EHBP1: variants seen among roughly 807,000 people sequenced by gnomAD.
EHBP1 encodes EH domain binding protein 1, also known as EH domain-binding protein 1.
EHBP1 carries 55 observed loss-of-function variants against 144.0 expected under a neutral mutation model. The ratio of observed to expected loss-of-function variants is 0.38; its 90% confidence interval spans 0.31 to 0.48. The LOEUF is 0.48. Among genes scored for constraint, EHBP1 ranks in the 20% least tolerant of loss-of-function variants. EHBP1 has a pLI of 0.98. For missense variants in EHBP1, 1,200 were observed against 1,364.2 expected (o/e 0.88, Z 1.90); for synonymous variants, 469 against 472.7 (o/e 0.99, Z 0.10).
rs1207585889 is a variant in EHBP1 at position 62,864,764 on chromosome 2, C to G, written c.791C>G (p.Thr264Arg). 4 of 1,612,506 alleles carry G rather than the reference C, an allele frequency of 2.5e-6. No homozygotes were observed. In the African/African-American group the frequency reaches 5.3e-5, roughly 22 times the overall value. ...PITETASPRK[T>R]EDSFYNNSYN... ...ACTGAAACAGCTTCACCTAGAAAAA[C>G]AGAAGACTCTTTTTATAATAACAGC... Residue 264 changes from threonine (T) to arginine (R), a missense_variant, in exon 9 of 23, where the codon ACA becomes AGA. By Grantham distance (71) the Thr-to-Arg change is moderately conservative. Transcript: ENST00000431489.
intron 14 of EHBP1, among the ~76,000 whole-genome samples, chr2:62,969,297 T>C (rs1203868453): frequency 6.6e-6 from 1 of 152,118 alleles, no homozygotes; most frequent in East Asian, 1.9e-4. Context: ...CCAGAATGCT[T>C]AAAGGAAAGC....
chr2:62,801,335 G>T (rs1458260412), intron 5 of EHBP1, among the ~76,000 whole-genome samples: 1 of 152,172 alleles, frequency 6.6e-6, no homozygotes, highest in Non-Finnish European at 1.5e-5. Context: ...TAGGACTGCT[G>T]ACTGCCTCTG....
chr2:62,886,409 TCTTA>T (rs977853587), intron 10 of EHBP1, among the ~76,000 whole-genome samples: 4 of 152,152 alleles, frequency 2.6e-5, no homozygotes, highest in African/African-American at 9.7e-5. Flanking sequence ...CAAAAGGTAA[TCTTA>T]CTTTACCTGT....
At chr2:62,695,867 C>A (rs181238493) in intron 1 of EHBP1, among the ~76,000 whole-genome samples, 1 of 151,980 alleles carries the variant, frequency 6.6e-6, no homozygotes, top group Non-Finnish European at 1.5e-5. Flanking sequence ...CGTGTGCCAC[C>A]GCACCCAGCT....
In EHBP1 at chr2:62,764,380, G is replaced by T. The variant is rs748384147; in HGVS notation, c.258+19G>T. On this transcript the variant is annotated intron_variant, in intron 4 of 22. Transcript: ENST00000431489. Reference sequence around the variant, plus strand: ...TTTTAAGGTAAGTTCCATTTTTATAGGCTATAGAATTTATTATATAACCAG... The same window carrying T: ...TTTTAAGGTAAGTTCCATTTTTATATGCTATAGAATTTATTATATAACCAG... The T allele has an allele frequency of 1.3e-6, 2 of 1,529,958 alleles. No homozygotes were observed. The highest frequency in any genetic ancestry group is 1.7e-4 in the Middle Eastern group (1 of 5,792). 94.8% of individuals were successfully genotyped at this position (1,529,958 alleles called of 1,614,324 possible).
intron 10 of EHBP1, among the ~76,000 whole-genome samples, chr2:62,920,745 C>T (rs529280598): frequency 6.6e-6 from 1 of 152,092 alleles, no homozygotes; most frequent in Admixed American, 6.5e-5. Context: ...TCACTGCAAC[C>T]TCTGCCTTCT....
intron 10 of EHBP1, among the ~76,000 whole-genome samples, chr2:62,914,996 T>C (rs2054496188): frequency 6.6e-6 from 1 of 152,068 alleles, no homozygotes; most frequent in Non-Finnish European, 1.5e-5. Context: ...TATGTGCTAT[T>C]ATAGTCTATT....
intron 8 of EHBP1, among the ~76,000 whole-genome samples, chr2:62,861,805 G>A (rs940404445): frequency 6.6e-6 from 1 of 151,174 alleles, no homozygotes; most frequent in Non-Finnish European, 1.5e-5. Flanking sequence ...GCCTATTCTA[G>A]CATCTTCAAA....
At chr2:62,964,437 C>G (rs552809501) in intron 14 of EHBP1, among the ~76,000 whole-genome samples, 13 of 152,282 alleles carry the variant, frequency 8.5e-5, no homozygotes, top group African/African-American at 3.1e-4. Context: ...TTTGTTATTG[C>G]TCAGCATGCA....
intron 2 of EHBP1, among the ~76,000 whole-genome samples, chr2:62,715,267 A>G (rs1379389463): frequency 2.0e-5 from 3 of 151,976 alleles, no homozygotes; most frequent in African/African-American, 7.3e-5. Flanking sequence ...GGTGCATGCC[A>G]CCATGCCCAG....
At chr2:62,987,491 A>AAT (rs1165485559) in intron 15 of EHBP1, among the ~76,000 whole-genome samples, 1 of 152,126 alleles carries the variant, frequency 6.6e-6, no homozygotes, top group East Asian at 1.9e-4. Context: ...GAAAATGACA[A>AAT]ATATATATAT....
chr2:62,763,273 T>A (rs2040906188), intron 3 of EHBP1, among the ~76,000 whole-genome samples: 1 of 152,174 alleles, frequency 6.6e-6, no homozygotes. Flanking sequence ...TATATTTTTC[T>A]TAATTGTTCT....
chr2:62,997,019 A>G (rs1455827978), intron 19 of EHBP1, among the ~76,000 whole-genome samples: 1 of 152,074 alleles, frequency 6.6e-6, no homozygotes, highest in East Asian at 1.9e-4. Context: ...GAGTTGGAAT[A>G]CACATCTGTG....
At chr2:62,909,905 A>C (rs1311843096) in intron 10 of EHBP1, among the ~76,000 whole-genome samples, 1 of 151,980 alleles carries the variant, frequency 6.6e-6, no homozygotes, top group East Asian at 1.9e-4. Flanking sequence ...CTACAGGCGC[A>C]TGTCACCACA....
At chr2:62,861,721 G>T (rs112626068) in intron 8 of EHBP1, among the ~76,000 whole-genome samples, 3,194 of 150,754 alleles carry the variant, frequency 0.021, 82 homozygotes, top group African/African-American at 0.065. Flanking sequence ...CAGCCTGGGC[G>T]ACAGAGTGAG....
At chr2:62,841,828 T>C (rs1047944108) in intron 7 of EHBP1, among the ~76,000 whole-genome samples, 7 of 152,168 alleles carry the variant, frequency 4.6e-5, no homozygotes, top group Non-Finnish European at 1.5e-5. Context: ...GTGGGTGTCT[T>C]TCCCCTAGTA....
chr2:62,736,870 C>G (rs1374952009), intron 2 of EHBP1, among the ~76,000 whole-genome samples: 1 of 152,150 alleles, frequency 6.6e-6, no homozygotes, highest in Admixed American at 6.5e-5. Context: ...TCTTCAAACT[C>G]TGTTTTTTGC....
At chr2:62,886,318 A>T (rs958535328) in intron 10 of EHBP1, among the ~76,000 whole-genome samples, 1 of 152,246 alleles carries the variant, frequency 6.6e-6, no homozygotes, top group African/African-American at 2.4e-5. Flanking sequence ...ATGAGAATCA[A>T]ATGTAATTTA....
intron 8 of EHBP1, among the ~76,000 whole-genome samples, chr2:62,862,328 G>GC (rs2049631040): frequency 6.6e-6 from 1 of 152,160 alleles, no homozygotes; most frequent in Non-Finnish European, 1.5e-5. Flanking sequence ...AAAGTCATTG[G>GC]CCGGGCATGG....
Sources: allele counts gnomAD v4.1 joint callset (sites outside exome capture counted in the v4.1 genomes callset), GRCh38; gene constraint gnomAD v4.1.1; transcripts MANE v1.5; gene names NCBI Gene and HGNC (gene_info 2026-07-23, HGNC 2026-07-21).